EYS: variants seen among roughly 807,000 people sequenced by gnomAD.
EYS encodes EGF-like photoreceptor maintenance factor.
A neutral mutation model predicts 282.1 loss-of-function variants in EYS; 250 were observed. The ratio of observed to expected loss-of-function variants is 0.89; its 90% CI spans 0.80 to 0.98. The LOEUF (loss-of-function observed/expected upper bound fraction) is 0.98. Among genes scored for constraint, EYS ranks in the 50% least tolerant of loss-of-function variants. EYS has a pLI of 0.00. For synonymous variants in EYS, 1,355 were observed against 1,282.9 expected (o/e 1.06, Z -1.20); for missense variants, 4,016 against 3,709.0 (o/e 1.08, Z -2.15).
intron 30 of EYS, among the ~76,000 whole-genome samples, chr6:64,270,341 T>C (rs915846263): frequency 6.6e-6 from 1 of 151,730 alleles, no homozygotes; most frequent in Non-Finnish European, 1.5e-5. Flanking sequence ...ACAGTACCAA[T>C]CAGTACTAGG....
At chr6:64,911,718 C>T (rs910192221) in intron 16 of EYS, among the ~76,000 whole-genome samples, 6 of 151,968 alleles carry the variant, frequency 3.9e-5, no homozygotes, top group African/African-American at 1.4e-4. Context: ...TTCTGAAAAC[C>T]GGCCATGTGT....
rs1290560912 is a variant in EYS at position 63,847,849 on chromosome 6, T to C, written c.7228+16337A>G. Among the ~76,000 whole-genome samples, 9 of 152,220 alleles carry C rather than the reference T, an allele frequency of 5.9e-5. No homozygotes were observed. The East Asian group carries it at 1.7e-3, about 29-fold the overall frequency. ...GAGTGAAGATTCATATTAAATGATT[T>C]TGTGGCTCTTTGTCAAATGTTGAAT... On this transcript the variant is annotated intron_variant, in intron 36 of 42. Coordinates refer to ENST00000503581, the MANE Select transcript of EYS (RefSeq NM_001142800.2).
chr6:63,724,482 C>G (rs919457551), intron 42 of EYS, among the ~76,000 whole-genome samples: 17 of 151,942 alleles, frequency 1.1e-4, no homozygotes, highest in African/African-American at 4.1e-4. Context: ...ATGACTAGGC[C>G]TTTTTATACA....
chr6:65,614,429 C>T (rs1005808727), intron 2 of EYS, among the ~76,000 whole-genome samples: 3 of 151,898 alleles, frequency 2.0e-5, no homozygotes, highest in African/African-American at 7.2e-5. Flanking sequence ...AAGTTCACCA[C>T]CTAGCAATAT....
At chr6:64,644,824 G>C (rs1768293374) in intron 22 of EYS, among the ~76,000 whole-genome samples, 1 of 152,134 alleles carries the variant, frequency 6.6e-6, no homozygotes, top group Non-Finnish European at 1.5e-5. Context: ...CTCAGGGTTA[G>C]TGCAATCATT....
chr6:64,041,415 G>T (rs1275346120), intron 33 of EYS, among the ~76,000 whole-genome samples: 1 of 152,178 alleles, frequency 6.6e-6, no homozygotes, highest in Non-Finnish European at 1.5e-5. Context: ...CTAAAATGCA[G>T]CCTTCAGTAT....
chr6:64,829,721 T>C (rs1163715774), intron 19 of EYS, among the ~76,000 whole-genome samples: 2 of 152,008 alleles, frequency 1.3e-5, no homozygotes, highest in Non-Finnish European at 2.9e-5. Flanking sequence ...ATGCACTCTA[T>C]ATCAATAATC....
intron 12 of EYS, among the ~76,000 whole-genome samples, chr6:65,161,619 C>T (rs1204136189): frequency 6.6e-6 from 1 of 150,918 alleles, no homozygotes; most frequent in Non-Finnish European, 1.5e-5. Context: ...TTTCTATTAC[C>T]AAATTCTAAA....
chr6:63,900,623 G>T (rs1025294562), intron 35 of EYS, among the ~76,000 whole-genome samples: 3 of 152,156 alleles, frequency 2.0e-5, no homozygotes, highest in Non-Finnish European at 4.4e-5. Context: ...GGAGTTAAAA[G>T]CAGGGAAAGA....
At chr6:65,508,960 G>A (rs1766764692) in intron 2 of EYS, among the ~76,000 whole-genome samples, 1 of 152,100 alleles carries the variant, frequency 6.6e-6, no homozygotes, top group Non-Finnish European at 1.5e-5. Context: ...TGAAAGTGTG[G>A]GGACCTACCT....
At chr6:65,340,237 A>G (rs1770148320) in intron 10 of EYS, among the ~76,000 whole-genome samples, 1 of 151,156 alleles carries the variant, frequency 6.6e-6, no homozygotes, top group Admixed American at 6.6e-5. Context: ...ATAATAATAT[A>G]TAATTTCATA....
intron 12 of EYS, among the ~76,000 whole-genome samples, chr6:65,209,507 C>T (rs1766120095): frequency 6.6e-6 from 1 of 151,800 alleles, no homozygotes; most frequent in South Asian, 2.1e-4. Flanking sequence ...CTTGAGCCCT[C>T]AGCTTGATTT....
chr6:64,235,907 G>T (rs918659998), intron 30 of EYS, among the ~76,000 whole-genome samples: 1 of 152,138 alleles, frequency 6.6e-6, no homozygotes, highest in Non-Finnish European at 1.5e-5. Context: ...AGGAGGAACT[G>T]GTACCATTCC....
At chr6:65,481,323 T>A (rs1765598853) in intron 5 of EYS, among the ~76,000 whole-genome samples, 1 of 145,404 alleles carries the variant, frequency 6.9e-6, no homozygotes, top group Non-Finnish European at 1.5e-5. Flanking sequence ...AATTGGCATA[T>A]ATGTATATCT....
intron 11 of EYS, among the ~76,000 whole-genome samples, chr6:65,298,163 G>A (rs776772175): frequency 2.6e-5 from 4 of 151,984 alleles, no homozygotes; most frequent in South Asian, 2.1e-4. Flanking sequence ...TCTCAATAAA[G>A]GCATCAAGAG....
At chr6:64,175,876 T>C (rs1764618240) in intron 31 of EYS, among the ~76,000 whole-genome samples, 1 of 152,148 alleles carries the variant, frequency 6.6e-6, no homozygotes, top group African/African-American at 2.4e-5. Flanking sequence ...AGACAGATAT[T>C]CTTGCTTTTT....
chr6:65,081,412 T>G (rs1774227375), intron 12 of EYS, among the ~76,000 whole-genome samples: 1 of 152,070 alleles, frequency 6.6e-6, no homozygotes, highest in Non-Finnish European at 1.5e-5. Context: ...GTTAGTCTAA[T>G]TCTTGTAATG....
intron 22 of EYS, among the ~76,000 whole-genome samples, chr6:64,748,001 T>C (rs1331206846): frequency 6.6e-6 from 1 of 152,232 alleles, no homozygotes; most frequent in Non-Finnish European, 1.5e-5. Flanking sequence ...ATTTCCAATA[T>C]CTGTCATTTA....
chr6:65,343,847 A>C (rs1770289638), intron 10 of EYS, among the ~76,000 whole-genome samples, 191 bp downstream of exon 10: 1 of 151,560 alleles, frequency 6.6e-6, no homozygotes, highest in Admixed American at 6.6e-5. Context: ...CCCATATTAT[A>C]AATGTATGAC....
Sources: gnomAD v4.1 joint callset for allele counts (sites outside exome capture counted in the v4.1 genomes callset) on GRCh38, gnomAD v4.1.1 for gene constraint, MANE v1.5 for transcripts, NCBI Gene and HGNC (gene_info 2026-07-23, HGNC 2026-07-21) for gene names.